The following TMEM164 variants were observed in gnomAD, a reference collection of about 807,000 sequenced individuals.
TMEM164 encodes the protein RP13-360B22.2.
In TMEM164, 4 loss-of-function variants were observed where a neutral mutation model predicts 18.8. The observed-to-expected ratio is 0.21, with a 90% CI of 0.10 to 0.49. The LOEUF (loss-of-function observed/expected upper bound fraction) is 0.49, where lower values mean the gene tolerates loss of function less well. Among genes scored for constraint, TMEM164 ranks in the 20% least tolerant of loss-of-function variants. The pLI, the probability that TMEM164 is intolerant of heterozygous loss-of-function variation, is 0.98. For synonymous variants in TMEM164, 86 were observed against 101.7 expected, an observed-to-expected ratio of 0.85 and a Z score of 0.93; for missense variants, 108 against 239.9, an observed-to-expected ratio of 0.45 and a Z score of 3.63.
intron 3 of TMEM164, among the ~76,000 whole-genome samples, chrX:110,082,635 G>C (rs960291309): frequency 1.8e-5 from 2 of 111,464 alleles, no homozygotes; most frequent in Non-Finnish European, 3.8e-5. Flanking sequence ...TGCCTCACCA[G>C]TTATTAACAA....
chrX:110,071,140 G>A (rs183471264), intron 3 of TMEM164, among the ~76,000 whole-genome samples: 1,393 of 98,692 alleles, frequency 0.014, 35 homozygotes, highest in African/African-American at 0.046. Flanking sequence ...CATTTATGTA[G>A]AGATTTTTAA....
chrX:110,179,129 C>G (rs1487951947), downstream of TMEM164, among the ~76,000 whole-genome samples: 1 of 111,854 alleles, frequency 8.9e-6, no homozygotes, highest in Admixed American at 9.4e-5. Context: ...GAAAGGGGGC[C>G]AGGTGAAGGG....
chrX:110,071,264 A>G (rs2065584553), intron 3 of TMEM164, among the ~76,000 whole-genome samples: 1 of 109,622 alleles, frequency 9.1e-6, no homozygotes, highest in East Asian at 2.8e-4. Context: ...CGGCCTCCCA[A>G]AGAGCTGGGA....
chrX:110,086,386 T>C (rs1355786616), intron 3 of TMEM164, among the ~76,000 whole-genome samples: 2 of 111,322 alleles, frequency 1.8e-5, no homozygotes, highest in Non-Finnish European at 3.8e-5. Context: ...TTAACTGTTG[T>C]TGGAGCATGA....
intron 5 of TMEM164, among the ~76,000 whole-genome samples, chrX:110,164,717 T>C (rs1286973208): frequency 9.0e-6 from 1 of 111,257 alleles, no homozygotes; most frequent in Non-Finnish European, 1.9e-5. Flanking sequence ...TGTAGATGAC[T>C]GTGAAAGGGA....
chrX:110,041,118 G>A (rs963038044), intron 2 of TMEM164, among the ~76,000 whole-genome samples: 8 of 112,004 alleles, frequency 7.1e-5, no homozygotes, highest in African/African-American at 2.6e-4. Flanking sequence ...TCAGACCCCT[G>A]TTTGTACAGA....
intron 4 of TMEM164, among the ~76,000 whole-genome samples, chrX:110,141,752 A>T (rs948523622): frequency 2.8e-4 from 32 of 112,413 alleles, no homozygotes; most frequent in African/African-American, 1.0e-3. Context: ...AAGTACTTAA[A>T]TATGATTTGC....
downstream of TMEM164, among the ~76,000 whole-genome samples, chrX:110,181,802 G>C (rs1569366741): frequency 8.9e-6 from 1 of 112,706 alleles, no homozygotes; most frequent in South Asian, 3.7e-4. Flanking sequence ...GGGTGTGAGA[G>C]GGCTCTATAA....
chrX:110,086,908 G>A (rs923152737), intron 3 of TMEM164, among the ~76,000 whole-genome samples: 20 of 110,839 alleles, frequency 1.8e-4, no homozygotes, highest in Non-Finnish European at 3.8e-4. Context: ...ATCTTGGAAA[G>A]CTACAATTCA....
intron 3 of TMEM164, among the ~76,000 whole-genome samples, chrX:110,108,134 T>TGTGTGTGTGTG (rs2066239088): frequency 4.2e-5 from 3 of 70,859 alleles, no homozygotes; most frequent in Admixed American, 1.6e-4. Context: ...GTGATTGAGA[T>TGTGTGTGTGTG]TGACATCAAC....
intron 4 of TMEM164, among the ~76,000 whole-genome samples, chrX:110,139,012 G>T (rs767919687): frequency 8.9e-6 from 1 of 112,340 alleles, no homozygotes; most frequent in African/African-American, 3.2e-5. Context: ...CAGTGATGGC[G>T]ATGAGTAGAG....
chrX:110,136,407 C>T (rs765880475), intron 4 of TMEM164, among the ~76,000 whole-genome samples: 4 of 111,874 alleles, frequency 3.6e-5, no homozygotes, highest in Admixed American at 9.5e-5. Flanking sequence ...AACCTAACTT[C>T]GCTGGCAGGA....
intron 2 of TMEM164, among the ~76,000 whole-genome samples, chrX:110,048,137 C>T (rs934908172): frequency 1.3e-4 from 14 of 109,332 alleles, no homozygotes; most frequent in Non-Finnish European, 1.9e-4. Context: ...GTTCCCTGAA[C>T]GCATCTTTGT....
chrX:110,066,598 T>C (rs997166394), intron 2 of TMEM164, among the ~76,000 whole-genome samples: 1 of 112,196 alleles, frequency 8.9e-6, no homozygotes, highest in Admixed American at 9.4e-5. Context: ...CATAGGACTT[T>C]TTTGTTCCTC....
At chrX:110,022,726 TAG>T (rs1215388028) in intron 2 of TMEM164, among the ~76,000 whole-genome samples, 1 of 112,156 alleles carries the variant, frequency 8.9e-6, no homozygotes, top group Non-Finnish European at 1.9e-5. Flanking sequence ...CTAGTCGTAC[TAG>T]AGAGATACAA....
intron 2 of TMEM164, among the ~76,000 whole-genome samples, chrX:110,015,491 CTTG>C (rs1009938528): frequency 4.5e-5 from 5 of 111,284 alleles, no homozygotes; most frequent in African/African-American, 1.3e-4. Flanking sequence ...CATATCAGCA[CTTG>C]TTCATTGTTG....
At chrX:110,032,717 T>C (rs1332994975) in intron 2 of TMEM164, among the ~76,000 whole-genome samples, 2 of 111,910 alleles carry the variant, frequency 1.8e-5, no homozygotes, top group Non-Finnish European at 3.8e-5. Context: ...TCATGACTAC[T>C]TAGATTGGCT....
At chrX:110,093,915 T>A (rs1247959024) in intron 3 of TMEM164, among the ~76,000 whole-genome samples, 3 of 111,574 alleles carry the variant, frequency 2.7e-5, no homozygotes, top group African/African-American at 9.8e-5. Flanking sequence ...TCAAAGAACA[T>A]CTTTATTTCT....
intron 2 of TMEM164, chrX:110,055,407 G>T (rs751986620): frequency 3.2e-6 from 1 of 310,884 alleles, no homozygotes; most frequent in South Asian, 3.1e-5. Context: ...CACTAGGGTT[G>T]TGCAGTGCAC....
Sources: gnomAD v4.1 joint callset for allele counts (sites outside exome capture counted in the v4.1 genomes callset) on GRCh38, gnomAD v4.1.1 for gene constraint, MANE v1.5 for transcripts, NCBI Gene and HGNC (gene_info 2026-07-23, HGNC 2026-07-21) for gene names.